SLC25A48: variants seen among roughly 807,000 people sequenced by gnomAD.
SLC25A48 encodes solute carrier family 25 member 48.
In SLC25A48, 29 loss-of-function variants were observed where a neutral mutation model predicts 32.2. The ratio of observed to expected loss-of-function variants is 0.90; its 90% CI spans 0.67 to 1.23. The LOEUF (loss-of-function observed/expected upper bound fraction) is 1.23. Among genes scored for constraint, SLC25A48 ranks in the 50% most tolerant of loss-of-function variants. The pLI, the probability that SLC25A48 is intolerant of heterozygous loss-of-function variation, is 0.00. For missense variants in SLC25A48, 399 were observed against 422.7 expected, an observed-to-expected ratio of 0.94 and a Z score of 0.49; for synonymous variants, 164 against 172.3, an observed-to-expected ratio of 0.95 and a Z score of 0.38.
intron 2 of SLC25A48, 132 bp downstream of exon 2, chr5:135,842,591 G>T: frequency 1.1e-6 from 1 of 902,758 alleles, no homozygotes. Flanking sequence ...GCCAGTCCAG[G>T]GGGTGTTGGG....
chr5:135,750,628 A>G (rs1755747203), intron 3 of SLC25A48, among the ~76,000 whole-genome samples: 1 of 152,090 alleles, frequency 6.6e-6, no homozygotes, highest in South Asian at 2.1e-4. Context: ...GATGGGGGGC[A>G]ATGTTGTCCA....
intron 1 of SLC25A48, among the ~76,000 whole-genome samples, chr5:135,586,158 T>A (rs930189413): frequency 6.6e-6 from 1 of 152,084 alleles, no homozygotes; most frequent in African/African-American, 2.4e-5. Context: ...ACCCAAGCAA[T>A]CTGACTCTGG....
chr5:135,761,370 C>G (rs1044625806), intron 3 of SLC25A48, among the ~76,000 whole-genome samples: 1 of 152,104 alleles, frequency 6.6e-6, no homozygotes, highest in Admixed American at 6.6e-5. Context: ...TTAATGGGTG[C>G]AGCACACCAA....
chr5:135,820,140 T>C (rs958495079), intron 4 of SLC25A48, among the ~76,000 whole-genome samples: 1 of 152,182 alleles, frequency 6.6e-6, no homozygotes, highest in Non-Finnish European at 1.5e-5. Context: ...CTAGCAGCAC[T>C]ATTCACAATG....
At chr5:135,734,739 C>T (rs1755313660) in intron 3 of SLC25A48, among the ~76,000 whole-genome samples, 1 of 151,256 alleles carries the variant, frequency 6.6e-6, no homozygotes, top group Non-Finnish European at 1.5e-5. Context: ...GTGGCGTGAA[C>T]CTGGGAGGCG....
chr5:135,781,956 C>A (rs1452323908), intron 3 of SLC25A48, among the ~76,000 whole-genome samples: 1 of 114,466 alleles, frequency 8.7e-6, no homozygotes, highest in Non-Finnish European at 2.2e-5. Context: ...ATAATACTCC[C>A]AATATCACAG....
chr5:135,835,109 T>G (rs1269368253), intron 1 of SLC25A48: 16 of 712,000 alleles, frequency 2.2e-5, no homozygotes, highest in Admixed American at 6.0e-5. Context: ...GGGCTGAGCT[T>G]CTGATTTGCT....
intron 3 of SLC25A48, among the ~76,000 whole-genome samples, chr5:135,737,882 G>T (rs1755412882): frequency 6.6e-6 from 1 of 152,152 alleles, no homozygotes; most frequent in Admixed American, 6.5e-5. Context: ...TCAAACCTGT[G>T]CATGGGAAAA....
chr5:135,590,806 A>C (rs1751506544), intron 1 of SLC25A48, among the ~76,000 whole-genome samples: 1 of 152,250 alleles, frequency 6.6e-6, no homozygotes, highest in African/African-American at 2.4e-5. Context: ...GCTCTCAGGC[A>C]GGGCAGCCCA....
chr5:135,614,835 T>C (rs1393282550), intron 1 of SLC25A48, among the ~76,000 whole-genome samples: 1 of 152,168 alleles, frequency 6.6e-6, no homozygotes, highest in Non-Finnish European at 1.5e-5. Context: ...TGTGAGATGA[T>C]TGGAACATGG....
intron 3 of SLC25A48, among the ~76,000 whole-genome samples, chr5:135,778,248 G>A (rs1187733005): frequency 2.6e-5 from 4 of 151,658 alleles, no homozygotes; most frequent in Non-Finnish European, 5.9e-5. Context: ...AATATTCACG[G>A]AGAAAAAGGA....
chr5:135,766,958 A>T (rs1266353357), intron 3 of SLC25A48, among the ~76,000 whole-genome samples: 1 of 151,778 alleles, frequency 6.6e-6, no homozygotes, highest in Non-Finnish European at 1.5e-5. Context: ...ATTACTCTTC[A>T]TACCACGGGA....
In SLC25A48 at chr5:135,645,195, G is replaced by A. The variant is rs184917521; in HGVS notation, c.-521+10239G>A. Among the ~76,000 whole-genome samples, 251 of 152,278 alleles carry A rather than the reference G, an allele frequency of 1.6e-3. 1 individual carries two copies. Among genetic ancestry groups the A allele is most frequent in the African/African-American group, 5.8e-3 (240 of 41,560 alleles). ...TTCCCTTTGGTTGTTCACTTCTTTT[G>A]CATTGTGTTTGAGTGTACAGATGTG... On this transcript the variant is annotated intron_variant, in intron 3 of 10. Coordinates refer to the SLC25A48 transcript ENST00000646290.
At chr5:135,607,376 T>C (rs1460976738) in intron 1 of SLC25A48, among the ~76,000 whole-genome samples, 1 of 152,226 alleles carries the variant, frequency 6.6e-6, no homozygotes, top group African/African-American at 2.4e-5. Flanking sequence ...CATGTGCCCA[T>C]GCATACATCT....
chr5:135,851,357 A>T (rs906908159), intron 3 of SLC25A48, among the ~76,000 whole-genome samples: 1 of 152,114 alleles, frequency 6.6e-6, no homozygotes. Flanking sequence ...TTCCCGGGTG[A>T]TGCTGTGGGA....
chr5:135,687,902 T>TA (rs1203073859), intron 3 of SLC25A48, among the ~76,000 whole-genome samples: 1 of 152,222 alleles, frequency 6.6e-6, no homozygotes, highest in Admixed American at 6.5e-5. Flanking sequence ...TAAATTGTGG[T>TA]AAAATGCACA....
chr5:135,788,886 C>T (rs1756932141), intron 3 of SLC25A48, among the ~76,000 whole-genome samples: 1 of 147,512 alleles, frequency 6.8e-6, no homozygotes, highest in Non-Finnish European at 1.5e-5. Context: ...CCCCATGTGT[C>T]GGGGGGTGTA....
At chr5:135,840,864 A>G (rs760698868) in intron 1 of SLC25A48, among the ~76,000 whole-genome samples, 2 of 152,210 alleles carry the variant, frequency 1.3e-5, no homozygotes, top group Admixed American at 6.5e-5. Flanking sequence ...GCTATTGTGA[A>G]CAATGTTGCC....
chr5:135,869,983 C>G (rs369920059), intron 4 of SLC25A48, among the ~76,000 whole-genome samples: 2 of 152,154 alleles, frequency 1.3e-5, no homozygotes, highest in Admixed American at 6.5e-5. Flanking sequence ...GAAACCACCC[C>G]CTCAACCTCA....
Sources: gnomAD v4.1 joint callset for allele counts (sites outside exome capture counted in the v4.1 genomes callset) on GRCh38, gnomAD v4.1.1 for gene constraint, MANE v1.5 for transcripts, NCBI Gene and HGNC (gene_info 2026-07-23, HGNC 2026-07-21) for gene names.